RASGRP3: variants seen among roughly 807,000 people sequenced by gnomAD.
The protein encoded by RASGRP3 is ras guanyl-releasing protein 3.
In RASGRP3, 54 loss-of-function variants were observed where a neutral mutation model predicts 82.7. That is an observed-to-expected ratio of 0.65 (90% confidence interval 0.52 to 0.82). The LOEUF is 0.82. Among genes scored for constraint, RASGRP3 ranks in the 40% least tolerant of loss-of-function variants. The pLI, the probability that RASGRP3 is intolerant of heterozygous loss-of-function variation, is 0.00. For synonymous variants in RASGRP3, 309 were observed against 300.5 expected, an observed-to-expected ratio of 1.03 and a Z score of -0.29; for missense variants, 861 against 828.9, an observed-to-expected ratio of 1.04 and a Z score of -0.48.
At chr2:33,550,139 C>T (rs1675222161) in intron 14 of RASGRP3, among the ~76,000 whole-genome samples, 1 of 152,132 alleles carries the variant, frequency 6.6e-6, no homozygotes, top group South Asian at 2.1e-4. Context: ...GACCAGAAAT[C>T]CGTCATGGCA....
intron 13 of RASGRP3, among the ~76,000 whole-genome samples, chr2:33,547,035 GCGAATCT>G (rs1674833122): frequency 7.2e-6 from 1 of 139,554 alleles, no homozygotes; most frequent in Admixed American, 7.7e-5. Context: ...GGTAACAAGA[GCGAATCT>G]CTGTCTCAGG....
chr2:33,550,170 C>T (rs998272567), intron 14 of RASGRP3, among the ~76,000 whole-genome samples: 4 of 152,028 alleles, frequency 2.6e-5, no homozygotes, highest in African/African-American at 9.7e-5. Flanking sequence ...ATTCACAACT[C>T]AAAAAGGAAG....
At chr2:33,473,126 GC>G (rs1405296812), upstream of RASGRP3, among the ~76,000 whole-genome samples, 5 of 152,258 alleles carry the variant, frequency 3.3e-5, no homozygotes, top group East Asian at 9.7e-4. Context: ...ACTTTGGGAG[GC>G]CAAGGTGGGC....
At position 33,558,971 on chromosome 2, in the gene RASGRP3, C is replaced by G. The variant is rs376854458; in HGVS notation, c.2005C>G (p.Arg669Gly). ...RVHAGVDVVD[R>G]GTEFELDQDE... Reference sequence around the variant, plus strand: ...GCATGCTGGTGTGGATGTTGTAGACCGGGGCACGGAGTTTGAACTTGACCA... The same window carrying G: ...GCATGCTGGTGTGGATGTTGTAGACGGGGGCACGGAGTTTGAACTTGACCA... The change falls in exon 17 of 18, where the codon CGG becomes GGG. Residue 669 changes from arginine (R) to glycine (G), a missense_variant. By Grantham distance (125) the Arg-to-Gly change is moderately radical. Transcript: ENST00000403687. 6.2e-7 allele frequency: 1 copy of G among 1,613,654 alleles called. No homozygotes were observed. The highest frequency in any genetic ancestry group is 1.3e-5 in the African/African-American group (1 of 74,870).
At chr2:33,441,846 G>C (rs1665241921) in intron 1 of RASGRP3, among the ~76,000 whole-genome samples, 1 of 152,130 alleles carries the variant, frequency 6.6e-6, no homozygotes, top group African/African-American at 2.4e-5. Flanking sequence ...ATCATAAATT[G>C]AGACAATAAT....
chr2:33,557,887 T>C (rs1341869998), intron 15 of RASGRP3, among the ~76,000 whole-genome samples: 1 of 152,066 alleles, frequency 6.6e-6, no homozygotes, highest in Non-Finnish European at 1.5e-5. Flanking sequence ...CCCATTTGAT[T>C]TGCATTTAGT....
intron 15 of RASGRP3, among the ~76,000 whole-genome samples, chr2:33,556,890 T>TACACACACACACACACACACACACAC (rs58614411): frequency 7.6e-6 from 1 of 130,786 alleles, no homozygotes; most frequent in South Asian, 2.6e-4. Flanking sequence ...TACCCTAAAA[T>TACACACACACACACACACACACACAC]ACACACACAC....
At chr2:33,536,857 G>T (rs188250026) in intron 11 of RASGRP3, among the ~76,000 whole-genome samples, 4 of 152,266 alleles carry the variant, frequency 2.6e-5, no homozygotes, top group Admixed American at 2.6e-4. Flanking sequence ...GTGCCGGCGT[G>T]GGGGCCGGGG....
intron 17 of RASGRP3, among the ~76,000 whole-genome samples, chr2:33,561,645 A>G (rs569054958): frequency 1.9e-4 from 29 of 152,128 alleles, no homozygotes; most frequent in Non-Finnish European, 3.7e-4. Context: ...CAAGACCAAT[A>G]AATGGCATTA....
chr2:33,447,105 C>CAAAAAAA (rs1161927671), intron 1 of RASGRP3, among the ~76,000 whole-genome samples: 10 of 59,286 alleles, frequency 1.7e-4, no homozygotes, highest in African/African-American at 5.0e-4. Context: ...GACTCCGTCT[C>CAAAAAAA]AAAAAAAAAA....
chr2:33,437,883 GAAAC>G (rs1472510136), intron 1 of RASGRP3, among the ~76,000 whole-genome samples: 2 of 152,018 alleles, frequency 1.3e-5, no homozygotes, highest in Admixed American at 1.3e-4. Flanking sequence ...TAGATCTGAA[GAAAC>G]AAACAAACAA....
chr2:33,447,292 G>T (rs967411106), intron 1 of RASGRP3, among the ~76,000 whole-genome samples: 1 of 152,098 alleles, frequency 6.6e-6, no homozygotes, highest in Non-Finnish European at 1.5e-5. Flanking sequence ...TGGGCCAGGG[G>T]GACAGACTGT....
intron 10 of RASGRP3, chr2:33,532,334 T>C (rs1488550595): frequency 6.6e-6 from 1 of 152,214 alleles, no homozygotes; most frequent in Admixed American, 6.5e-5. Context: ...TGAGCAGTGA[T>C]GTTCATCACA....
chr2:33,525,805 A>T (rs1672502490), intron 9 of RASGRP3, among the ~76,000 whole-genome samples: 1 of 148,188 alleles, frequency 6.7e-6, no homozygotes, highest in Non-Finnish European at 1.5e-5. Context: ...TGAGCCCAGG[A>T]GTTTGAGGCT....
chr2:33,502,453 TA>T, intron 1 of RASGRP3, among the ~76,000 whole-genome samples: 1 of 152,098 alleles, frequency 6.6e-6, no homozygotes, highest in South Asian at 2.1e-4. Context: ...ACAACATCCT[TA>T]TTCCTATTCC....
At chr2:33,479,505 C>T (rs962433304) in intron 1 of RASGRP3, among the ~76,000 whole-genome samples, 5 of 152,080 alleles carry the variant, frequency 3.3e-5, no homozygotes, top group Admixed American at 6.5e-5. Context: ...GTTGGTTGTC[C>T]GAGTAGGTTG....
intron 2 of RASGRP3, among the ~76,000 whole-genome samples, chr2:33,465,475 A>T (rs970388583): frequency 2.0e-5 from 3 of 152,242 alleles, no homozygotes; most frequent in Admixed American, 6.5e-5. Flanking sequence ...GTGAGCTATG[A>T]TGACACCACT....
intron 3 of RASGRP3, 144 bp downstream of exon 3, chr2:33,515,350 T>C: frequency 1.3e-6 from 1 of 755,676 alleles, no homozygotes; most frequent in Non-Finnish European, 2.2e-6. Context: ...GGTCTGTCTC[T>C]CCAGTTTCAC....
At chr2:33,453,361 A>G (rs541375656) in intron 2 of RASGRP3, among the ~76,000 whole-genome samples, 3 of 152,244 alleles carry the variant, frequency 2.0e-5, no homozygotes, top group African/African-American at 7.2e-5. Context: ...TCATGCATGG[A>G]TAGTTGTTCA....
Sources: allele counts gnomAD v4.1 joint callset (sites outside exome capture counted in the v4.1 genomes callset), GRCh38; gene constraint gnomAD v4.1.1; transcripts MANE v1.5; gene names NCBI Gene and HGNC (gene_info 2026-07-23, HGNC 2026-07-21).